CSNK1G1: variants seen among roughly 807,000 people sequenced by gnomAD.
CSNK1G1 encodes casein kinase 1 gamma 1.
In CSNK1G1, 22 loss-of-function variants were observed where a neutral mutation model predicts 59.6. That is an observed-to-expected ratio of 0.37 (90% CI 0.26 to 0.53). CSNK1G1 has a LOEUF of 0.53. CSNK1G1 is among the 20% of genes least tolerant of loss of function. The pLI is 0.89. For synonymous variants in CSNK1G1, 179 were observed against 177.1 expected, an observed-to-expected ratio of 1.01 and a Z score of -0.08; for missense variants, 384 against 519.5, an observed-to-expected ratio of 0.74 and a Z score of 2.54.
chr15:64,206,216 C>G (rs531650801), intron 7 of CSNK1G1, among the ~76,000 whole-genome samples: 16 of 151,924 alleles, frequency 1.1e-4, no homozygotes, highest in East Asian at 9.7e-4. Context: ...CCGAGGCAGG[C>G]GGATCACAAG....
intron 2 of CSNK1G1, among the ~76,000 whole-genome samples, chr15:64,289,509 A>T (rs1294673654): frequency 6.6e-6 from 1 of 152,178 alleles, no homozygotes; most frequent in Non-Finnish European, 1.5e-5. Flanking sequence ...TACTACTACA[A>T]ACAAGAATCT....
intron 10 of CSNK1G1, among the ~76,000 whole-genome samples, chr15:64,191,774 C>T (rs1363353333): frequency 6.6e-6 from 1 of 152,150 alleles, no homozygotes; most frequent in African/African-American, 2.4e-5. Flanking sequence ...ATACTACTGC[C>T]CGCCAATGCC....
chr15:64,290,621 A>G (rs899736686), intron 2 of CSNK1G1, among the ~76,000 whole-genome samples: 10 of 152,206 alleles, frequency 6.6e-5, no homozygotes, highest in African/African-American at 2.2e-4. Flanking sequence ...TTTAATGGAT[A>G]CAATGCATAT....
At chr15:64,179,500 A>G (rs1314346879) in intron 11 of CSNK1G1, among the ~76,000 whole-genome samples, 1 of 152,202 alleles carries the variant, frequency 6.6e-6, no homozygotes, top group Non-Finnish European at 1.5e-5. Flanking sequence ...AAGGTTCTCA[A>G]AGGGCTCACA....
intron 2 of CSNK1G1, among the ~76,000 whole-genome samples, chr15:64,268,460 T>C: frequency 6.6e-6 from 1 of 152,172 alleles, no homozygotes; most frequent in East Asian, 1.9e-4. Flanking sequence ...CATTTCATGT[T>C]ATAACACTGA....
chr15:64,269,697 T>C (rs1893177604), intron 2 of CSNK1G1, among the ~76,000 whole-genome samples: 1 of 152,128 alleles, frequency 6.6e-6, no homozygotes, highest in Admixed American at 6.5e-5. Flanking sequence ...TTTTGCCATG[T>C]TGGCCAGACT....
chr15:64,227,688 A>C (rs980576218), intron 4 of CSNK1G1, among the ~76,000 whole-genome samples: 1 of 152,182 alleles, frequency 6.6e-6, no homozygotes, highest in Non-Finnish European at 1.5e-5. Context: ...GTCTTTTCCT[A>C]CCACACTTGA....
At chr15:64,349,564 GTCTT>G (rs938109095) in intron 1 of CSNK1G1, among the ~76,000 whole-genome samples, 3 of 152,162 alleles carry the variant, frequency 2.0e-5, no homozygotes, top group Non-Finnish European at 4.4e-5. Context: ...CAGTCCATCT[GTCTT>G]TCTATCTCAT....
At chr15:64,306,889 C>CT (rs1895709081) in intron 1 of CSNK1G1, among the ~76,000 whole-genome samples, 1 of 148,300 alleles carries the variant, frequency 6.7e-6, no homozygotes, top group Admixed American at 7.0e-5. Context: ...TTTGAAAAAG[C>CT]TAAATACTAC....
intron 4 of CSNK1G1, among the ~76,000 whole-genome samples, chr15:64,232,360 T>C (rs1177041231): frequency 2.0e-5 from 3 of 152,232 alleles, no homozygotes; most frequent in Admixed American, 2.0e-4. Context: ...ATTACTATTA[T>C]GATAGTAGGC....
intron 1 of CSNK1G1, among the ~76,000 whole-genome samples, chr15:64,317,439 T>G (rs937574975): frequency 6.6e-6 from 1 of 152,184 alleles, no homozygotes; most frequent in African/African-American, 2.4e-5. Flanking sequence ...TAAGTTCCTT[T>G]TAAATCCTAT....
intron 2 of CSNK1G1, among the ~76,000 whole-genome samples, chr15:64,300,115 A>G (rs1255649532): frequency 6.6e-6 from 1 of 152,202 alleles, no homozygotes; most frequent in East Asian, 1.9e-4. Context: ...TTAAAAGCCC[A>G]TCGCACACAC....
At chr15:64,236,731 G>A (rs2082621403) in intron 4 of CSNK1G1, among the ~76,000 whole-genome samples, 1 of 152,180 alleles carries the variant, frequency 6.6e-6, no homozygotes, top group Non-Finnish European at 1.5e-5. Context: ...ACAATATGGA[G>A]ATTTCCCAAA....
intron 1 of CSNK1G1, among the ~76,000 whole-genome samples, chr15:64,338,838 T>C (rs1407117815): frequency 6.7e-6 from 1 of 149,434 alleles, no homozygotes; most frequent in Non-Finnish European, 1.5e-5. Context: ...ACCAACATGG[T>C]GAAACCCCGT....
At chr15:64,172,333 A>AG (rs747848961) in intron 11 of CSNK1G1, among the ~76,000 whole-genome samples, 1 of 152,202 alleles carries the variant, frequency 6.6e-6, no homozygotes, top group Non-Finnish European at 1.5e-5. Flanking sequence ...GGGGGTCCTC[A>AG]GGGCTGCATA....
At chr15:64,238,879 T>A (rs2082656796) in intron 4 of CSNK1G1, among the ~76,000 whole-genome samples, 1 of 151,976 alleles carries the variant, frequency 6.6e-6, no homozygotes, top group African/African-American at 2.4e-5. Context: ...CGGCTGCTTG[T>A]AGGCTATGTC....
chr15:64,205,663 T>G (rs2082168391), intron 7 of CSNK1G1, among the ~76,000 whole-genome samples: 1 of 152,076 alleles, frequency 6.6e-6, no homozygotes, highest in Non-Finnish European at 1.5e-5. Flanking sequence ...AGGAGAAATT[T>G]TAGATCTACA....
At chr15:64,219,801 G>A (rs2082362637) in intron 4 of CSNK1G1, among the ~76,000 whole-genome samples, 1 of 140,546 alleles carries the variant, frequency 7.1e-6, no homozygotes. Context: ...TTGAGACAGA[G>A]TCTCGCTCTG....
intron 2 of CSNK1G1, among the ~76,000 whole-genome samples, chr15:64,281,296 G>A (rs1894116414): frequency 6.6e-6 from 1 of 152,144 alleles, no homozygotes; most frequent in Non-Finnish European, 1.5e-5. Context: ...ATCTGAAGTA[G>A]TCAAATTCAT....
Sources: gnomAD v4.1 joint callset for allele counts (sites outside exome capture counted in the v4.1 genomes callset) on GRCh38, gnomAD v4.1.1 for gene constraint, MANE v1.5 for transcripts, NCBI Gene and HGNC (gene_info 2026-07-23, HGNC 2026-07-21) for gene names.